The following PADI1 variants were observed in gnomAD, a reference collection of about 807,000 sequenced individuals.
The protein encoded by PADI1 is peptidyl arginine deiminase 1.
A neutral mutation model predicts 74.8 loss-of-function variants in PADI1; 65 were observed. That is an observed-to-expected ratio of 0.87 (90% CI 0.71 to 1.07). The LOEUF is 1.07. PADI1 is among the 50% of genes least tolerant of loss of function. PADI1 has a pLI of 0.00. For missense variants in PADI1, 943 were observed against 854.0 expected, an observed-to-expected ratio of 1.10 and a Z score of -1.30; for synonymous variants, 371 against 336.2, an observed-to-expected ratio of 1.10 and a Z score of -1.13.
chr1:17,211,703 G>T (rs984840445), intron 1 of PADI1, among the ~76,000 whole-genome samples: 1 of 152,318 alleles, frequency 6.6e-6, no homozygotes, highest in South Asian at 2.1e-4. Flanking sequence ...TATGTTGCTG[G>T]GTAAGTGAGG....
intron 8 of PADI1, among the ~76,000 whole-genome samples, chr1:17,229,859 C>T (rs544085126): frequency 1.3e-5 from 2 of 152,330 alleles, no homozygotes; most frequent in African/African-American, 4.8e-5. Context: ...AGGTGCCCTG[C>T]CTCTGGGCAC....
chr1:17,232,851 C>G lies in PADI1; in HGVS notation c.1194C>G (p.Ile398Met). Residue 398 changes from isoleucine (I) to methionine (M), a missense_variant, in exon 11 of 16, where the codon ATC becomes ATG. Coordinates refer to ENST00000375471, the MANE Select transcript of PADI1 (RefSeq NM_013358.3). ...ACTTTGGATATGTTACCCGGGAGAT[C>G]CCGCTCCCTGGTCCCTCCAGCCTTG... ...GPDFGYVTRE[I>M]PLPGPSSLDS... The G allele has an allele frequency of 6.2e-7, 1 of 1,613,434 alleles. No homozygotes were observed. The highest frequency in any genetic ancestry group is 8.5e-7 in the Non-Finnish European group (1 of 1,179,816).
intron 1 of PADI1, among the ~76,000 whole-genome samples, chr1:17,214,992 G>C (rs113478246): frequency 6.6e-6 from 1 of 152,302 alleles, no homozygotes; most frequent in African/African-American, 2.4e-5. Context: ...GGTACCTGCC[G>C]CTCTTCTGTA....
chr1:17,239,807 C>T (rs554098357), intron 14 of PADI1, 24 bp downstream of exon 14: 2 of 1,570,894 alleles, frequency 1.3e-6, no homozygotes, highest in South Asian at 2.2e-5. Context: ...CCACCAGCTG[C>T]TCTAAGGGGT....
At chr1:17,210,915 C>T (rs2071818000) in intron 1 of PADI1, among the ~76,000 whole-genome samples, 1 of 152,232 alleles carries the variant, frequency 6.6e-6, no homozygotes, top group African/African-American at 2.4e-5. Flanking sequence ...GGGCCGTCTG[C>T]TCCCGGGCAC....
At chr1:17,237,595 G>A (rs1294963121) in intron 12 of PADI1, 137 bp downstream of exon 12, 1 of 749,792 alleles carries the variant, frequency 1.3e-6, no homozygotes, top group Non-Finnish European at 2.0e-6. Context: ...TCTGGGTCAG[G>A]GCACCCTGAC....
Position 17,222,471 on chromosome 1 carries a change from G to GT in PADI1, c.273+2dup, listed in dbSNP as rs2072185300. On this transcript the variant is annotated splice_donor_variant, in intron 2 of 15. Coordinates refer to ENST00000375471, the MANE Select transcript of PADI1 (RefSeq NM_013358.3). LOFTEE classifies it high-confidence loss of function. ...CAGTAAGGAATTAAAGGACTTCAAGGTAAGAGGCCACTTTCTCATAGAAAA... is the reference window on the plus strand; with the variant it reads ...CAGTAAGGAATTAAAGGACTTCAAGGTTAAGAGGCCACTTTCTCATAGAAAA... 3 of 1,609,652 alleles carry GT rather than the reference G, an allele frequency of 1.9e-6. No individual in the cohort carries two copies. Among genetic ancestry groups the GT allele is most frequent in the Non-Finnish European group, 2.6e-6 (3 of 1,176,118 alleles).
rs2072848511 is a variant in PADI1, at chr1:17,244,646, TG to T, written c.*407del. ...CACCTGGAACGGGGCCTGGGGGACCTGGGGTCTGGTGTGCCAGGCACCAGGC... is the reference window on the plus strand; with the variant it reads ...CACCTGGAACGGGGCCTGGGGGACCTGGGTCTGGTGTGCCAGGCACCAGGC... On this transcript the variant is annotated 3_prime_UTR_variant, in exon 16 of 16. Coordinates refer to ENST00000375471, the MANE Select transcript of PADI1 (RefSeq NM_013358.3). 14 of 357,994 alleles carry T rather than the reference TG, an allele frequency of 3.9e-5. No homozygotes were observed. The highest frequency in any genetic ancestry group is 2.9e-4 in the South Asian group (14 of 47,880). The allele number at this position is 357,994 out of a possible 1,614,324, so 22.2% of individuals were successfully genotyped here.
intron 1 of PADI1, among the ~76,000 whole-genome samples, chr1:17,210,089 C>T (rs2071794350): frequency 6.6e-6 from 1 of 152,140 alleles, no homozygotes; most frequent in Non-Finnish European, 1.5e-5. Flanking sequence ...ATCTGCCCAC[C>T]TCGGCCTCCC....
At chr1:17,218,486 G>A (rs72895786) in intron 1 of PADI1, among the ~76,000 whole-genome samples, 8,511 of 152,122 alleles carry the variant, frequency 0.056, 272 homozygotes, top group African/African-American at 0.081. Flanking sequence ...AGCAGAGCCC[G>A]TGTCCCAGCT....
At chr1:17,240,442 C>T in intron 14 of PADI1, 193 bp from the exon 15 acceptor site, 1 of 563,888 alleles carries the variant, frequency 1.8e-6, no homozygotes, top group Non-Finnish European at 3.1e-6. Context: ...ACATCCTAGC[C>T]TTGTGCACTT....
chr1:17,229,443 A>C (rs1340081220), intron 8 of PADI1, among the ~76,000 whole-genome samples: 3 of 152,186 alleles, frequency 2.0e-5, no homozygotes, highest in Non-Finnish European at 4.4e-5. Flanking sequence ...ATGGGAACCC[A>C]GTCTCTGCAA....
intron 4 of PADI1, 42 bp from the exon 5 acceptor site, chr1:17,225,769 T>A (rs1433804717): frequency 1.9e-5 from 28 of 1,486,248 alleles, no homozygotes; most frequent in Non-Finnish European, 2.6e-5. Flanking sequence ...TCCTGGAGCC[T>A]CCTGGGTCCC....
At chr1:17,229,720 C>T (rs1228813570) in intron 8 of PADI1, among the ~76,000 whole-genome samples, 1 of 152,170 alleles carries the variant, frequency 6.6e-6, no homozygotes, top group African/African-American at 2.4e-5. Context: ...CCACCCTGAC[C>T]CCTTTGCTTA....
At chr1:17,232,782 C>A (rs746425726) in intron 10 of PADI1, 37 bp from the exon 11 acceptor site, 5 of 1,588,406 alleles carry the variant, frequency 3.1e-6, no homozygotes, top group Non-Finnish European at 3.4e-6. Flanking sequence ...ACTGACCTCT[C>A]CTTCTTGGGG....
chr1:17,221,472 A>G (rs2072147135), intron 1 of PADI1, among the ~76,000 whole-genome samples: 1 of 118,062 alleles, frequency 8.5e-6, no homozygotes. Flanking sequence ...CTGTCTCAAG[A>G]AAAAAAAAAA....
At chr1:17,228,882 G>A (rs2100478521) in intron 7 of PADI1, 66 bp from the exon 8 acceptor site, 3 of 1,584,470 alleles carry the variant, frequency 1.9e-6, no homozygotes, top group African/African-American at 1.3e-5. Context: ...CAGGCTGGGG[G>A]CTGGGGGGGC....
At chr1:17,226,417 C>T (rs890723051) in intron 6 of PADI1, among the ~76,000 whole-genome samples, 2 of 152,148 alleles carry the variant, frequency 1.3e-5, no homozygotes, top group Non-Finnish European at 2.9e-5. Flanking sequence ...GCATTCCAAC[C>T]CAGGTGTCTT....
chr1:17,233,109 C>T, intron 11 of PADI1, 139 bp downstream of exon 11: 1 of 780,338 alleles, frequency 1.3e-6, no homozygotes, highest in Non-Finnish European at 1.9e-6. Flanking sequence ...GAATCAAAGA[C>T]TCGGCAACCT....
Sources: allele counts gnomAD v4.1 joint callset (sites outside exome capture counted in the v4.1 genomes callset), GRCh38; gene constraint gnomAD v4.1.1; transcripts MANE v1.5; gene names NCBI Gene and HGNC (gene_info 2026-07-23, HGNC 2026-07-21).